ERC2: variants seen among roughly 807,000 people sequenced by gnomAD.
ERC2 encodes ELKS/RAB6-interacting/CAST family member 2, also known as ERC protein 2.
ERC2 carries 42 observed loss-of-function variants against 114.8 expected under a neutral mutation model. The observed-to-expected ratio is 0.37, with a 90% CI of 0.29 to 0.47. The LOEUF is 0.47. Among genes scored for constraint, ERC2 ranks in the 20% least tolerant of loss-of-function variants. The pLI is 0.99. For missense variants in ERC2, 939 were observed against 1,150.7 expected, an observed-to-expected ratio of 0.82 and a Z score of 2.66; for synonymous variants, 454 against 425.5, an observed-to-expected ratio of 1.07 and a Z score of -0.82.
intron 13 of ERC2, among the ~76,000 whole-genome samples, chr3:55,904,340 C>G (rs2149350811): frequency 6.6e-6 from 1 of 152,244 alleles, no homozygotes; most frequent in Non-Finnish European, 1.5e-5. Flanking sequence ...GATTGCTGCA[C>G]AAGTAAAGCA....
At chr3:55,723,283 A>G (rs977699662) in intron 15 of ERC2, among the ~76,000 whole-genome samples, 3 of 152,204 alleles carry the variant, frequency 2.0e-5, no homozygotes, top group Non-Finnish European at 4.4e-5. Context: ...TCTTAGTGAC[A>G]GTTATTTCTG....
At chr3:56,065,721 C>T (rs939662181) in intron 7 of ERC2, among the ~76,000 whole-genome samples, 1 of 151,918 alleles carries the variant, frequency 6.6e-6, no homozygotes, top group Non-Finnish European at 1.5e-5. Flanking sequence ...ACTGACTGGC[C>T]CTGGTGTGTG....
At chr3:55,571,248 T>C (rs1457788413) in intron 17 of ERC2, among the ~76,000 whole-genome samples, 1 of 152,080 alleles carries the variant, frequency 6.6e-6, no homozygotes, top group Non-Finnish European at 1.5e-5. Context: ...AGCCTAGCTG[T>C]AGCAAGTGTG....
chr3:55,927,709 T>TA (rs1559883033), intron 13 of ERC2, among the ~76,000 whole-genome samples: 1 of 152,206 alleles, frequency 6.6e-6, no homozygotes, highest in African/African-American at 2.4e-5. Context: ...TATCTAACTA[T>TA]ATTTTTGTAC....
chr3:55,781,682 G>A (rs1199974552), intron 14 of ERC2, among the ~76,000 whole-genome samples: 7 of 151,748 alleles, frequency 4.6e-5, no homozygotes, highest in Admixed American at 4.6e-4. Flanking sequence ...GACCATCCTG[G>A]CCAACAGGTG....
intron 14 of ERC2, among the ~76,000 whole-genome samples, chr3:55,760,671 CACT>C (rs2067369965): frequency 6.6e-6 from 1 of 152,228 alleles, no homozygotes; most frequent in Non-Finnish European, 1.5e-5. Flanking sequence ...GCTCACTTAT[CACT>C]GAATCTGGCT....
At chr3:55,688,655 G>A (rs1214625016) in intron 16 of ERC2, among the ~76,000 whole-genome samples, 1 of 152,140 alleles carries the variant, frequency 6.6e-6, no homozygotes, top group African/African-American at 2.4e-5. Flanking sequence ...GAAGAAAGGG[G>A]TCTTCATATG....
At chr3:55,834,118 G>C (rs538829080) in intron 14 of ERC2, among the ~76,000 whole-genome samples, 297 of 151,926 alleles carry the variant, frequency 2.0e-3, no homozygotes, top group African/African-American at 4.8e-3. Flanking sequence ...AGCAAGTCCT[G>C]AGTGACCTAC....
At chr3:56,040,553 A>C (rs79389388) in intron 7 of ERC2, among the ~76,000 whole-genome samples, 1 of 142,946 alleles carries the variant, frequency 7.0e-6, no homozygotes, top group African/African-American at 2.5e-5. Context: ...ATATCTATAT[A>C]TGTATATAGA....
chr3:56,149,228 T>C, intron 4 of ERC2, 96 bp from the exon 5 acceptor site: 2 of 1,185,184 alleles, frequency 1.7e-6, no homozygotes, highest in Non-Finnish European at 2.3e-6. Flanking sequence ...TTGGTAGTGC[T>C]GTCACATATT....
rs115748214 is a variant in ERC2 at position 55,658,934 on chromosome 3, C to T, written c.*39+24860G>A. 7.7e-3 allele frequency: 1,181 copies of T among 152,770 alleles called. 10 individuals are homozygous for T. The highest frequency in any genetic ancestry group is 0.027 in the Middle Eastern group (8 of 294). The allele number at this position is 152,770 out of a possible 1,614,324, so 9.5% of individuals were successfully genotyped here. A position where few individuals can be genotyped will look rare whatever the true frequency, so the allele number is the denominator to read the frequency against. On this transcript the variant is annotated intron_variant, in intron 17 of 17. Coordinates refer to ENST00000288221, the MANE Select transcript of ERC2 (RefSeq NM_015576.3). ...CAAGATGTCACAGTGCCTCAGGACA[C>T]GTGGGTTGGGCAGGTGACAGCTGCA...
intron 2 of ERC2, among the ~76,000 whole-genome samples, chr3:56,392,602 A>G (rs2060168132): frequency 6.6e-6 from 1 of 152,306 alleles, no homozygotes; most frequent in African/African-American, 2.4e-5. Context: ...CCCCAGCAAA[A>G]TGTCCTCTTC....
chr3:55,990,060 T>G (rs886576503), intron 11 of ERC2, among the ~76,000 whole-genome samples: 1 of 152,178 alleles, frequency 6.6e-6, no homozygotes, highest in Admixed American at 6.5e-5. Flanking sequence ...ATAACTTTCC[T>G]GTGATCTCAT....
At chr3:56,444,262 C>T (rs72875345) in intron 1 of ERC2, among the ~76,000 whole-genome samples, 53,290 of 151,476 alleles carry the variant, frequency 0.35, 9,572 homozygotes, top group Middle Eastern at 0.42. Context: ...TGAGCCACCA[C>T]GCCCCGCCAA....
At chr3:56,184,621 A>G (rs1416733404) in intron 3 of ERC2, among the ~76,000 whole-genome samples, 4 of 148,376 alleles carry the variant, frequency 2.7e-5, no homozygotes, top group Non-Finnish European at 5.9e-5. Flanking sequence ...GGGTGGTAAG[A>G]CCTGAGTACA....
intron 17 of ERC2, among the ~76,000 whole-genome samples, chr3:55,628,124 C>T (rs952653095): frequency 4.2e-5 from 3 of 71,688 alleles, no homozygotes; most frequent in Admixed American, 3.9e-4. Flanking sequence ...TTTTTCTTCC[C>T]AAGGAAGCAT....
At chr3:55,700,385 G>C (rs2063158517) in intron 15 of ERC2, among the ~76,000 whole-genome samples, 1 of 152,172 alleles carries the variant, frequency 6.6e-6, no homozygotes. Context: ...TCAAGTCCTG[G>C]CTCCACCTCT....
At chr3:55,690,419 G>A (rs1052658206) in intron 16 of ERC2, among the ~76,000 whole-genome samples, 1 of 152,172 alleles carries the variant, frequency 6.6e-6, no homozygotes, top group Non-Finnish European at 1.5e-5. Flanking sequence ...TCTCAATGGG[G>A]GAGCTAAAGT....
In ERC2 at chr3:55,638,007, C is replaced by A. The variant is rs2060025335; in HGVS notation, c.*39+45787G>T. On this transcript the variant is annotated intron_variant, in intron 17 of 17. Transcript: ENST00000288221. ...AAATGGCAAAAGCAATAATTGAACC[C>A]AATTCTGTTAGGCTCTTAAGCCAGA... is the stretch of plus-strand genomic sequence containing the variant. Among the ~76,000 whole-genome samples, 7 of 152,142 alleles carry A rather than the reference C, an allele frequency of 4.6e-5. 1 individual carries two copies. The highest frequency in any genetic ancestry group is 4.6e-4 in the Admixed American group (7 of 15,280).
Sources: allele counts gnomAD v4.1 joint callset (sites outside exome capture counted in the v4.1 genomes callset), GRCh38; gene constraint gnomAD v4.1.1; transcripts MANE v1.5; gene names NCBI Gene and HGNC (gene_info 2026-07-23, HGNC 2026-07-21).